Variants in TRHDE observed in about 807,000 individuals in gnomAD.
TRHDE encodes the protein thyrotropin releasing hormone degrading enzyme.
Under a neutral mutation model 125.7 loss-of-function variants are expected in TRHDE, and 72 were observed. The ratio of observed to expected loss-of-function variants is 0.57; its 90% CI spans 0.47 to 0.70. The LOEUF (loss-of-function observed/expected upper bound fraction) is 0.70, where lower values mean the gene tolerates loss of function less well. Among genes scored for constraint, TRHDE ranks in the 30% least tolerant of loss-of-function variants. The pLI is 0.00. For synonymous variants in TRHDE, 509 were observed against 509.1 expected, an observed-to-expected ratio of 1.00 and a Z score of 0.00; for missense variants, 1,110 against 1,327.1, an observed-to-expected ratio of 0.84 and a Z score of 2.54.
At chr12:72,617,040 G>C (rs998519232) in intron 12 of TRHDE, among the ~76,000 whole-genome samples, 1 of 151,884 alleles carries the variant, frequency 6.6e-6, no homozygotes, top group Non-Finnish European at 1.5e-5. Context: ...ACTTATTATT[G>C]GGATGTTGTA....
intron 2 of TRHDE, among the ~76,000 whole-genome samples, chr12:72,146,972 T>C (rs919152810): frequency 6.6e-5 from 10 of 152,184 alleles, no homozygotes; most frequent in African/African-American, 2.2e-4. Flanking sequence ...TCCGGCCGCC[T>C]AGCAGCCTGA....
intron 5 of TRHDE, among the ~76,000 whole-genome samples, chr12:72,491,644 T>A (rs1877690110): frequency 6.6e-6 from 1 of 151,916 alleles, no homozygotes. Flanking sequence ...TTAACCCACT[T>A]TCTCTGTGTT....
At chr12:72,595,556 T>C (rs1268559871) in intron 12 of TRHDE, among the ~76,000 whole-genome samples, 4 of 152,142 alleles carry the variant, frequency 2.6e-5, no homozygotes, top group African/African-American at 9.7e-5. Flanking sequence ...ACAAAAAAGT[T>C]AAGAAATGTT....
intron 1 of TRHDE, among the ~76,000 whole-genome samples, chr12:72,280,556 G>GA (rs1279840101): frequency 2.0e-5 from 3 of 151,684 alleles, no homozygotes; most frequent in Admixed American, 6.6e-5. Context: ...CTGGTCACCA[G>GA]AAAAAAAAGA....
chr12:72,407,765 C>T (rs750882796), intron 3 of TRHDE, among the ~76,000 whole-genome samples: 5 of 152,068 alleles, frequency 3.3e-5, no homozygotes, highest in African/African-American at 4.8e-5. Flanking sequence ...AAACACAGGG[C>T]GCACTCTAGG....
At chr12:72,494,153 C>A (rs1877804962) in intron 5 of TRHDE, among the ~76,000 whole-genome samples, 1 of 151,984 alleles carries the variant, frequency 6.6e-6, no homozygotes, top group Non-Finnish European at 1.5e-5. Context: ...ATGCTGAGGT[C>A]TAAAAAGTTT....
At chr12:72,271,902 C>G (rs981969021), upstream of TRHDE, 1 of 456,406 alleles carries the variant, frequency 2.2e-6, no homozygotes, top group Non-Finnish European at 4.4e-6. Context: ...ATGAGGGAGT[C>G]TCGCTGTCGG....
At chr12:72,479,598 A>G (rs1052245817) in intron 5 of TRHDE, among the ~76,000 whole-genome samples, 5 of 151,838 alleles carry the variant, frequency 3.3e-5, no homozygotes, top group Admixed American at 1.3e-4. Context: ...AATTTAAAAT[A>G]AAGCTGAAAA....
At chr12:72,522,648 T>G (rs1163854991) in intron 6 of TRHDE, among the ~76,000 whole-genome samples, 1 of 152,230 alleles carries the variant, frequency 6.6e-6, no homozygotes, top group Non-Finnish European at 1.5e-5. Flanking sequence ...TCTTAACTTT[T>G]TAAGAGTTTA....
chr12:72,559,124 T>C (rs1427652896), intron 7 of TRHDE, among the ~76,000 whole-genome samples: 2 of 152,206 alleles, frequency 1.3e-5, no homozygotes, highest in Non-Finnish European at 2.9e-5. Context: ...CTGTGCTCTT[T>C]CATTATTATT....
intron 2 of TRHDE, among the ~76,000 whole-genome samples, chr12:72,142,204 G>A (rs934860174): frequency 6.6e-6 from 1 of 152,176 alleles, no homozygotes; most frequent in Non-Finnish European, 1.5e-5. Flanking sequence ...AGAGTCATGG[G>A]AAAGAGGTAA....
chr12:72,275,965 T>C (rs1176539141), intron 1 of TRHDE, among the ~76,000 whole-genome samples: 1 of 150,604 alleles, frequency 6.6e-6, no homozygotes, highest in Non-Finnish European at 1.5e-5. Context: ...TTGTTCTTCA[T>C]TTTTTTTTCC....
At chr12:72,346,417 T>C (rs1322260723) in intron 2 of TRHDE, among the ~76,000 whole-genome samples, 1 of 151,972 alleles carries the variant, frequency 6.6e-6, no homozygotes, top group Non-Finnish European at 1.5e-5. Context: ...GCGGGCACAC[T>C]CTTACCAACT....
chr12:72,289,737 A>C (rs975393196), intron 2 of TRHDE, among the ~76,000 whole-genome samples: 1 of 152,190 alleles, frequency 6.6e-6, no homozygotes, highest in East Asian at 1.9e-4. Context: ...TTATATTCTA[A>C]TGAGGTGAGA....
At chr12:72,303,005 C>T (rs921295120) in intron 2 of TRHDE, among the ~76,000 whole-genome samples, 3 of 152,090 alleles carry the variant, frequency 2.0e-5, no homozygotes, top group Non-Finnish European at 4.4e-5. Flanking sequence ...AAAATCACCC[C>T]GTTGAGAACC....
intron 2 of TRHDE, among the ~76,000 whole-genome samples, chr12:72,171,362 G>T (rs777471218): frequency 3.9e-5 from 6 of 152,156 alleles, no homozygotes; most frequent in Admixed American, 2.0e-4. Flanking sequence ...ATGTGAGAAG[G>T]GCTCTTTCTA....
chr12:72,167,091 C>T (rs951868606), intron 2 of TRHDE, among the ~76,000 whole-genome samples: 1 of 152,042 alleles, frequency 6.6e-6, no homozygotes, highest in African/African-American at 2.4e-5. Context: ...GATTACTCTC[C>T]AAAAGGTCTC....
chr12:72,454,488 A>G (rs1460857488), intron 3 of TRHDE, among the ~76,000 whole-genome samples: 1 of 152,214 alleles, frequency 6.6e-6, no homozygotes, highest in Non-Finnish European at 1.5e-5. Context: ...ATCCCTGTTC[A>G]TGGACCTTGA....
rs141540214 is a variant in TRHDE, at chr12:72,596,325, C to A, written c.2321+20783C>A. Among the ~76,000 whole-genome samples the A allele has an allele frequency of 6.7e-4, 102 of 152,072 alleles. No individual in the cohort carries two copies. In the East Asian group the frequency reaches 0.015, roughly 22 times the overall value. On this transcript the variant is annotated intron_variant, in intron 12 of 18. Transcript: ENST00000261180. ...CACTTTTACATGGAAAACAAAAATT[C>A]TTCGTCAAATCATAGCTATAAGAAA...
Sources: gnomAD v4.1 joint callset for allele counts (sites outside exome capture counted in the v4.1 genomes callset) on GRCh38, gnomAD v4.1.1 for gene constraint, MANE v1.5 for transcripts, NCBI Gene and HGNC (gene_info 2026-07-23, HGNC 2026-07-21) for gene names.